PDK2: variants seen among roughly 807,000 people sequenced by gnomAD.
The protein encoded by PDK2 is pyruvate dehydrogenase kinase 2.
Under a neutral mutation model 50.4 loss-of-function variants are expected in PDK2, and 34 were observed. The observed-to-expected ratio is 0.68, with a 90% CI of 0.51 to 0.90. The LOEUF is 0.90. Among genes scored for constraint, PDK2 ranks in the 40% least tolerant of loss-of-function variants. The pLI is 0.00. For synonymous variants in PDK2, 232 were observed against 216.0 expected, an observed-to-expected ratio of 1.07 and a Z score of -0.65; for missense variants, 377 against 544.5, an observed-to-expected ratio of 0.69 and a Z score of 3.06.
Position 50,105,384 on chromosome 17 carries a change from C to G in PDK2, c.274C>G (p.Leu92Val), listed in dbSNP as rs1184771327. 5 of 1,613,342 alleles carry G rather than the reference C, an allele frequency of 3.1e-6. No homozygotes were observed. Among genetic ancestry groups the G allele is most frequent in the Non-Finnish European group, 4.2e-6 (5 of 1,179,642 alleles). Residue 92 changes from leucine to valine, a missense_variant, in exon 3 of 11, where the codon CTC (leucine) becomes GTC (valine). Around this residue, in one of 3 missense-constraint regions of PDK2, gnomAD observed 100 missense variants for 115.5 expected, o/e 0.87. Transcript: ENST00000503176. ...QLVQSWYVQS[L>V]LDIMEFLDKD... ...GCCCCCACACAGGTATGTCCAGAGC[C>G]TCCTGGACATCATGGAGTTCCTGGA...
At position 50,105,956 on chromosome 17, in the gene PDK2, TTGAG is replaced by T. The variant is rs761344147; in HGVS notation, c.406_409del (p.Glu136ThrfsTer121). The T allele has an allele frequency of 1.9e-6, 3 of 1,613,278 alleles. No homozygotes were observed. The Admixed American group carries it at 5.0e-5, about 27-fold the overall frequency. On this transcript the variant is annotated frameshift_variant, in exon 4 of 11. Transcript: ENST00000503176. LOFTEE classifies it high-confidence loss of function. ...GTGCCCACCATGGCACAAGGCGTGCTTGAGTACAAGGACACCTACGGCGATGACC... is the reference window on the plus strand; with the variant it reads ...GTGCCCACCATGGCACAAGGCGTGCTTACAAGGACACCTACGGCGATGACC...
rs778139145 is a variant in PDK2, at chr17:50,107,125, A to C, written c.657A>C (p.Ser219=). ...KLLCDKYYMA[S]PDLEIQEINA... ...TGTGTGACAAGTATTACATGGCCTC[A>C]CCTGACCTGGAGATCCAGGAGATCA... The change falls in exon 6 of 11, where the codon TCA becomes TCC. Residue 219 remains serine, a synonymous_variant. Coordinates refer to ENST00000503176, the MANE Select transcript of PDK2 (RefSeq NM_002611.5). 1.1e-5 allele frequency: 17 copies of C among 1,614,046 alleles called. No individual in the cohort carries two copies. In the South Asian group the frequency reaches 1.6e-4, roughly 16 times the overall value.
At position 50,105,378 on chromosome 17, in the gene PDK2, C is replaced by A; in HGVS notation, c.268C>A (p.Gln90Lys). ...SVQLVQSWYV[Q>K]SLLDIMEFLD... ...CCTCCCGCCCCCACACAGGTATGTC[C>A]AGAGCCTCCTGGACATCATGGAGTT... Residue 90 changes from glutamine (Q) to lysine (K), a missense_variant, in exon 3 of 11, where the codon CAG (glutamine) becomes AAG (lysine). Coordinates refer to ENST00000503176, the MANE Select transcript of PDK2 (RefSeq NM_002611.5). The A allele has an allele frequency of 6.2e-7, 1 of 1,612,546 alleles. No individual in the cohort carries two copies.
intron 4 of PDK2, chr17:50,106,360 G>T: frequency 3.0e-6 from 2 of 663,830 alleles, no homozygotes; most frequent in Non-Finnish European, 2.3e-6. Context: ...CTCTCATTAT[G>T]TTCAAAAACA....
chr17:50,102,783 G>C (rs754920789), intron 2 of PDK2, among the ~76,000 whole-genome samples: 20 of 152,156 alleles, frequency 1.3e-4, no homozygotes, highest in Non-Finnish European at 2.1e-4. Flanking sequence ...TTGTGGAGGT[G>C]AAAGTGGGGC....
Position 50,095,564 on chromosome 17 carries a change from G to A in PDK2, c.118+11G>A. On this transcript the variant is annotated intron_variant, in intron 1 of 10. Coordinates refer to ENST00000503176, the MANE Select transcript of PDK2 (RefSeq NM_002611.5). ...AGTTTCTGGACTTCGGTACGGAGTG[G>A]GCGGGAGGCGGCTGGCAGCGGAGGC... 6.3e-7 allele frequency: 1 copy of A among 1,587,486 alleles called. No individual in the cohort carries two copies. The highest frequency in any genetic ancestry group is 8.6e-7 in the Non-Finnish European group (1 of 1,163,704).
At chr17:50,095,172 A>G (rs780543923), upstream of PDK2, 11 of 421,718 alleles carry the variant, frequency 2.6e-5, no homozygotes, top group Non-Finnish European at 4.7e-5. Flanking sequence ...CCCCAAAACA[A>G]CAGGCCGCCC....
At position 50,109,277 on chromosome 17, in the gene PDK2, C is replaced by G. The variant is rs1778720271; in HGVS notation, c.970-10C>G. 1 of 1,592,826 alleles carries G rather than the reference C, an allele frequency of 6.3e-7. No homozygotes were observed. The highest frequency in any genetic ancestry group is 1.7e-5 in the Admixed American group (1 of 59,766). On this transcript the variant is annotated splice_polypyrimidine_tract_variant and intron_variant, in intron 9 of 10. Coordinates refer to ENST00000503176, the MANE Select transcript of PDK2 (RefSeq NM_002611.5). The surrounding 1 kb of genome is among the most constrained non-coding windows in gnomAD (Gnocchi z 5.0). ...CTCCTCATCCTCACTGCCTTCCTGC[C>G]CCGCTGCAGGCTGGCTTTGGTTATG...
At position 50,110,317 on chromosome 17, in the gene PDK2, G is replaced by A. The variant is rs1910765228; in HGVS notation, c.*220G>A. ...CGGTGGCCTCCCTATCTCTGTGGGC[G>A]ATGCCTGAGGGTTAGGGATGTCTCC... On this transcript the variant is annotated 3_prime_UTR_variant, in exon 11 of 11. Coordinates refer to ENST00000503176, the MANE Select transcript of PDK2 (RefSeq NM_002611.5). 3 of 443,716 alleles carry A rather than the reference G, an allele frequency of 6.8e-6. No homozygotes were observed. Among genetic ancestry groups the A allele is most frequent in the Non-Finnish European group, 8.0e-6 (2 of 249,730 alleles). The allele number at this position is 443,716 out of a possible 1,614,324, so 27.5% of individuals were successfully genotyped here.
intron 8 of PDK2, 53 bp from the exon 9 acceptor site, chr17:50,108,559 G>T: frequency 1.4e-6 from 2 of 1,453,016 alleles, no homozygotes; most frequent in East Asian, 2.3e-5. Flanking sequence ...GGTATTGGGC[G>T]GGGTGGGGAA....
intron 2 of PDK2, among the ~76,000 whole-genome samples, chr17:50,103,641 G>A (rs1221674072): frequency 1.3e-5 from 2 of 152,200 alleles, no homozygotes; most frequent in Non-Finnish European, 2.9e-5. Context: ...AGTGCTTAAA[G>A]AGCCAGGTCT....
chr17:50,107,972 G>C, intron 6 of PDK2, 184 bp from the exon 7 acceptor site: 1 of 624,026 alleles, frequency 1.6e-6, no homozygotes, highest in Admixed American at 2.6e-5. Context: ...CAGGGCCCAA[G>C]AATTGAATGC....
chr17:50,109,337 C>A lies in PDK2; in HGVS notation c.1020C>A (p.Phe340Leu). The change falls in exon 10 of 11, where the codon TTC becomes TTA. Residue 340 changes from phenylalanine to leucine, a missense_variant. Physicochemically the swap from Phe to Leu is conservative, Grantham distance 22. Around this residue, in one of 3 missense-constraint regions of PDK2, gnomAD observed 214 missense variants for 294.0 expected, o/e 0.73. Coordinates refer to ENST00000503176, the MANE Select transcript of PDK2 (RefSeq NM_002611.5). The surrounding 1 kb of genome is among the most constrained non-coding windows in gnomAD (Gnocchi z 5.0). ...LPISRLYAKYFQGDLQLFSME... is the reference protein window; with the variant it reads ...LPISRLYAKYLQGDLQLFSME... ...TTTCCCGCCTCTACGCCAAGTACTTCCAGGGAGACCTGCAGCTCTTCTCCA... is the reference window on the plus strand; with the variant it reads ...TTTCCCGCCTCTACGCCAAGTACTTACAGGGAGACCTGCAGCTCTTCTCCA... 6.2e-7 allele frequency: 1 copy of A among 1,613,804 alleles called. No individual in the cohort carries two copies. Among genetic ancestry groups the A allele is most frequent in the Non-Finnish European group, 8.5e-7 (1 of 1,179,922 alleles).
chr17:50,108,115 C>T, intron 6 of PDK2, 41 bp from the exon 7 acceptor site: 1 of 1,538,704 alleles, frequency 6.5e-7, no homozygotes, highest in South Asian at 1.2e-5. Context: ...GCAGTGACCT[C>T]CTGACGGTTT....
Position 50,101,849 on chromosome 17 carries a change from T to C in PDK2, c.261-3522T>C, listed in dbSNP as rs1567712141. On this transcript the variant is annotated intron_variant, in intron 2 of 10. Transcript: ENST00000503176. This position sits in a 1 kb window ranked among gnomAD's most constrained non-coding sequence, Gnocchi z 4.2. ...AGCAGGGTTTGGGTGGATCTCCACA[T>C]TACCTTGGGCTGGGCTTGGGAGCTC... The C allele has an allele frequency of 2.0e-5, 3 of 152,054 alleles. No homozygotes were observed. The highest frequency in any genetic ancestry group is 4.4e-5 in the Non-Finnish European group (3 of 68,042). 9.4% of individuals were successfully genotyped at this position (152,054 alleles called of 1,614,324 possible). A position where few individuals can be genotyped will look rare whatever the true frequency, so the allele number is the denominator to read the frequency against.
rs1910884022 is a variant in PDK2 at position 50,112,149 on chromosome 17, A to G, written c.*2052A>G. 6.6e-6 allele frequency: 1 copy of G among 152,168 alleles called. No individual in the cohort carries two copies. Among genetic ancestry groups the G allele is most frequent in the East Asian group, 1.9e-4 (1 of 5,188 alleles). 9.4% of individuals were successfully genotyped at this position (152,168 alleles called of 1,614,324 possible). ...TCCTGGCTTGGAGAATGGGTCAAAG[A>G]CCAGGTCTTGAATGGGCCCTGAGAG... On this transcript the variant is annotated 3_prime_UTR_variant, in exon 11 of 11. Transcript: ENST00000503176.
Position 50,105,999 on chromosome 17 carries a change from G to T in PDK2, c.447G>T (p.Gln149His). Residue 149 changes from glutamine (Q) to histidine (H), a missense_variant, in exon 4 of 11, where the codon CAG becomes CAT. By Grantham distance (24) the Gln-to-His change is conservative. Transcript: ENST00000503176. ...DTYGDDPVSN[Q>H]NIQYFLDRFY... ...ACGGCGATGACCCCGTCTCCAACCA[G>T]AACATCCAGTACTTCCTGGACCGCT... The T allele has an allele frequency of 6.2e-7, 1 of 1,611,026 alleles. No individual in the cohort carries two copies. Among genetic ancestry groups the T allele is most frequent in the African/African-American group, 1.3e-5 (1 of 75,000 alleles).
intron 5 of PDK2, 82 bp downstream of exon 5, chr17:50,106,965 C>G: frequency 6.8e-7 from 1 of 1,472,514 alleles, no homozygotes; most frequent in East Asian, 2.3e-5. Flanking sequence ...GTGACTCGTT[C>G]CTCAGTAAGG....
chr17:50,108,816 C>T (rs532907827), intron 9 of PDK2, 97 bp downstream of exon 9: 47 of 755,674 alleles, frequency 6.2e-5, no homozygotes, highest in Non-Finnish European at 9.2e-5. Context: ...TCTGTGTGGC[C>T]GTCTGTGACA....
Sources: gnomAD v4.1 joint callset for allele counts (sites outside exome capture counted in the v4.1 genomes callset) on GRCh38, gnomAD v4.1.1 for gene constraint, gnomAD v4.1.1 regional missense constraint, Gnocchi (gnomAD v3.1) non-coding constraint, MANE v1.5 for transcripts, NCBI Gene and HGNC (gene_info 2026-07-23, HGNC 2026-07-21) for gene names.